The following MAGI3 variants were observed in gnomAD, a reference collection of about 807,000 sequenced individuals.
MAGI3 encodes the protein membrane associated guanylate kinase, WW and PDZ domain containing 3, also known as membrane-associated guanylate kinase, WW and PDZ domain-containing protein 3.
MAGI3 carries 43 observed loss-of-function variants against 121.8 expected under a neutral mutation model. The observed-to-expected ratio is 0.35, with a 90% CI of 0.28 to 0.46. MAGI3 has a LOEUF of 0.46. Among genes scored for constraint, MAGI3 ranks in the 20% least tolerant of loss-of-function variants. The pLI, the probability that MAGI3 is intolerant of heterozygous loss-of-function variation, is 1.00. For missense variants in MAGI3, 1,547 were observed against 1,797.3 expected, an observed-to-expected ratio of 0.86 and a Z score of 2.52; for synonymous variants, 553 against 639.3, an observed-to-expected ratio of 0.86 and a Z score of 2.04.
chr1:113,429,039 G>A (rs1007569782), intron 1 of MAGI3, among the ~76,000 whole-genome samples: 1 of 152,094 alleles, frequency 6.6e-6, no homozygotes, highest in Non-Finnish European at 1.5e-5. Flanking sequence ...TCTATTGTCA[G>A]TCTTTACTGT....
chr1:113,446,163 A>T (rs1344134072), intron 1 of MAGI3, among the ~76,000 whole-genome samples: 1 of 152,174 alleles, frequency 6.6e-6, no homozygotes, highest in African/African-American at 2.4e-5. Flanking sequence ...AGAAACTATC[A>T]CATTTAAAAT....
chr1:113,510,203 A>G (rs530080233), intron 1 of MAGI3, among the ~76,000 whole-genome samples: 2 of 152,350 alleles, frequency 1.3e-5, no homozygotes, highest in East Asian at 3.9e-4. Context: ...TTTGTAAACC[A>G]TAATCTCCTG....
intron 1 of MAGI3, among the ~76,000 whole-genome samples, chr1:113,451,044 TACA>T (rs1170906560): frequency 2.0e-5 from 3 of 152,214 alleles, no homozygotes; most frequent in Admixed American, 2.0e-4. Context: ...TTCTTTTCAT[TACA>T]TCAAGTATAT....
intron 19 of MAGI3, among the ~76,000 whole-genome samples, chr1:113,679,925 G>C (rs1045151876): frequency 2.6e-5 from 4 of 151,896 alleles, no homozygotes; most frequent in African/African-American, 9.7e-5. Context: ...GGCTGGTCTC[G>C]AACTCCCGAC....
chr1:113,601,621 G>A (rs1303940361), intron 6 of MAGI3, among the ~76,000 whole-genome samples: 4 of 148,752 alleles, frequency 2.7e-5, no homozygotes. Flanking sequence ...TACACCGTTG[G>A]TGGGACTGTA....
At chr1:113,486,179 TG>T (rs1460849826) in intron 1 of MAGI3, among the ~76,000 whole-genome samples, 3 of 152,202 alleles carry the variant, frequency 2.0e-5, no homozygotes, top group Non-Finnish European at 4.4e-5. Flanking sequence ...ATTTTAGGAT[TG>T]TTTTTTATGG....
intron 15 of MAGI3, among the ~76,000 whole-genome samples, chr1:113,655,400 C>T (rs1442250888): frequency 7.9e-5 from 12 of 151,924 alleles, no homozygotes; most frequent in Admixed American, 7.9e-4. Context: ...CACTATAAAA[C>T]TAAGCTATAT....
intron 1 of MAGI3, among the ~76,000 whole-genome samples, chr1:113,415,548 C>T (rs1182904284): frequency 6.6e-6 from 1 of 151,982 alleles, no homozygotes; most frequent in Non-Finnish European, 1.5e-5. Flanking sequence ...TCCTATTATA[C>T]TCCAGCCCCA....
At chr1:113,447,860 A>AC (rs1557762271) in intron 1 of MAGI3, among the ~76,000 whole-genome samples, 1 of 152,060 alleles carries the variant, frequency 6.6e-6, no homozygotes. Flanking sequence ...GTCTCAAAAA[A>AC]AAAAAATTGT....
chr1:113,488,640 G>A (rs1489378001), intron 1 of MAGI3, among the ~76,000 whole-genome samples: 1 of 152,196 alleles, frequency 6.6e-6, no homozygotes, highest in East Asian at 1.9e-4. Flanking sequence ...TATCTGTGTG[G>A]GTGAGTTTTG....
chr1:113,549,489 G>GTTTT lies in MAGI3; in HGVS notation c.317-17_317-14dup, dbSNP rs763944707. 3,753 of 1,027,600 alleles carry GTTTT rather than the reference G, an allele frequency of 3.7e-3. 8 individuals are homozygous for GTTTT. Among genetic ancestry groups the GTTTT allele is most frequent in the Non-Finnish European group, 4.3e-3 (3,126 of 719,540 alleles). 63.7% of individuals were successfully genotyped at this position (1,027,600 alleles called of 1,614,324 possible). A position where few individuals can be genotyped will look rare whatever the true frequency, so the allele number is the denominator to read the frequency against. ...TCTAAAAATTATGCATTTATTTTCT[G>GTTTT]TTTTTTTTTTTTGTCTTTGCTCCAG... On this transcript the variant is annotated intron_variant, in intron 1 of 20. Coordinates refer to ENST00000307546, the MANE Select transcript of MAGI3 (RefSeq NM_001142782.2).
At chr1:113,530,919 A>G (rs2101640304) in intron 1 of MAGI3, among the ~76,000 whole-genome samples, 1 of 152,334 alleles carries the variant, frequency 6.6e-6, no homozygotes, top group Non-Finnish European at 1.5e-5. Context: ...CTGTCTCAAA[A>G]AAAGAAAAGG....
At chr1:113,481,768 C>T (rs1656127811) in intron 1 of MAGI3, among the ~76,000 whole-genome samples, 1 of 152,112 alleles carries the variant, frequency 6.6e-6, no homozygotes, top group Non-Finnish European at 1.5e-5. Flanking sequence ...AACAAATCAC[C>T]ACACATTCAG....
chr1:113,417,635 G>C (rs772446018), intron 1 of MAGI3, among the ~76,000 whole-genome samples: 8 of 151,984 alleles, frequency 5.3e-5, no homozygotes. Flanking sequence ...TTAATTTTCT[G>C]CCTAAAATCA....
chr1:113,478,909 C>T (rs1655982956), intron 1 of MAGI3, among the ~76,000 whole-genome samples: 1 of 152,206 alleles, frequency 6.6e-6, no homozygotes, highest in Non-Finnish European at 1.5e-5. Context: ...TCACCTAGTT[C>T]AAGCTTCCCC....
intron 19 of MAGI3, among the ~76,000 whole-genome samples, chr1:113,679,278 C>T (rs1370423108): frequency 1.3e-5 from 2 of 151,968 alleles, no homozygotes; most frequent in South Asian, 2.1e-4. Context: ...CTTGTATTCC[C>T]GTGTCTGTTG....
At chr1:113,495,326 T>C (rs1280094456) in intron 1 of MAGI3, among the ~76,000 whole-genome samples, 1 of 151,916 alleles carries the variant, frequency 6.6e-6, no homozygotes, top group African/African-American at 2.4e-5. Context: ...TTCCAAAGAA[T>C]GTGGCATTTT....
chr1:113,535,980 A>T (rs2101648073), intron 1 of MAGI3, among the ~76,000 whole-genome samples: 1 of 152,088 alleles, frequency 6.6e-6, no homozygotes, highest in East Asian at 1.9e-4. Flanking sequence ...TGGTTTCTCA[A>T]ATGAGAAACC....
In MAGI3 at chr1:113,603,973, CA is replaced by C. The variant is rs760238111; in HGVS notation, c.1018+9418del. Among the ~76,000 whole-genome samples the C allele has an allele frequency of 1.6e-4, 25 of 152,002 alleles. 1 individual carries two copies. The highest frequency in any genetic ancestry group is 1.4e-3 in the Admixed American group (22 of 15,240). On this transcript the variant is annotated intron_variant, in intron 6 of 20. Coordinates refer to ENST00000307546, the MANE Select transcript of MAGI3 (RefSeq NM_001142782.2). ...CCTTATTCCAGCCAGAGTAATAAGT[CA>C]AAAAGCAATAGATGTTGGCATGGGT...
Sources: gnomAD v4.1 joint callset for allele counts (sites outside exome capture counted in the v4.1 genomes callset) on GRCh38, gnomAD v4.1.1 for gene constraint, MANE v1.5 for transcripts, NCBI Gene and HGNC (gene_info 2026-07-23, HGNC 2026-07-21) for gene names.